The following PCDH11X variants were observed in gnomAD, a reference collection of about 807,000 sequenced individuals.
The protein encoded by PCDH11X is protocadherin-11 X-linked.
A neutral mutation model predicts 53.3 loss-of-function variants in PCDH11X; 18 were observed. That is an observed-to-expected ratio of 0.34 (90% CI 0.23 to 0.50). The LOEUF is 0.50. Among genes scored for constraint, PCDH11X ranks in the 20% least tolerant of loss-of-function variants. The probability of loss-of-function intolerance (pLI) is 0.98; values close to 1 mark genes in which losing one functional copy is unlikely to be tolerated. For synonymous variants in PCDH11X, 279 were observed against 393.3 expected (o/e 0.71, Z 3.44); for missense variants, 570 against 1,032.4 (o/e 0.55, Z 6.14).
chrX:92,026,032 A>C (rs1294723875), intron 6 of PCDH11X, among the ~76,000 whole-genome samples: 1 of 110,697 alleles, frequency 9.0e-6, no homozygotes, highest in East Asian at 2.9e-4. Flanking sequence ...AACAAGAGAC[A>C]CTGGGGCCTA....
intron 8 of PCDH11X, among the ~76,000 whole-genome samples, chrX:92,271,541 T>C (rs942153748): frequency 2.7e-5 from 3 of 112,210 alleles, no homozygotes; most frequent in African/African-American, 9.7e-5. Flanking sequence ...CATTAGTTAC[T>C]TGGGGCATGC....
chrX:92,526,424 T>A (rs1448539595), intron 10 of PCDH11X, among the ~76,000 whole-genome samples: 1 of 104,914 alleles, frequency 9.5e-6, no homozygotes, highest in Admixed American at 1.1e-4. Flanking sequence ...GGAGCTCAAA[T>A]AACTCAATAG....
At chrX:92,165,984 G>A (rs1237967171) in intron 6 of PCDH11X, among the ~76,000 whole-genome samples, 4 of 111,182 alleles carry the variant, frequency 3.6e-5, no homozygotes, top group Admixed American at 9.7e-5. Flanking sequence ...AACTCTAGCC[G>A]AAGGGTATTT....
chrX:92,042,417 A>T (rs1395535700), intron 6 of PCDH11X, among the ~76,000 whole-genome samples: 1 of 101,097 alleles, frequency 9.9e-6, no homozygotes, highest in Non-Finnish European at 1.9e-5. Context: ...TATGGCTCAG[A>T]TTAAGACACA....
chrX:92,423,840 T>G (rs2072033869), intron 9 of PCDH11X, among the ~76,000 whole-genome samples: 1 of 97,396 alleles, frequency 1.0e-5, no homozygotes, highest in Admixed American at 1.1e-4. Context: ...TTCTGTTCCA[T>G]TTGTCTATGT....
At chrX:92,557,650 T>C (rs1279301539) in intron 10 of PCDH11X, among the ~76,000 whole-genome samples, 2 of 108,963 alleles carry the variant, frequency 1.8e-5, no homozygotes, top group Non-Finnish European at 3.8e-5. Flanking sequence ...CAAGCCTCTA[T>C]GAAGGTCCAA....
At chrX:91,886,907 C>G (rs1227484291) in intron 6 of PCDH11X, among the ~76,000 whole-genome samples, 3 of 101,218 alleles carry the variant, frequency 3.0e-5, no homozygotes, top group Non-Finnish European at 3.9e-5. Flanking sequence ...GGAGGCGGAG[C>G]TTGCAGTGAG....
intron 10 of PCDH11X, among the ~76,000 whole-genome samples, chrX:92,528,075 A>G (rs1362572464): frequency 1.8e-5 from 2 of 111,702 alleles, no homozygotes; most frequent in East Asian, 2.8e-4. Context: ...ACAGAATGAG[A>G]TTGATAACTG....
chrX:92,309,421 T>C (rs1216025599), intron 8 of PCDH11X, among the ~76,000 whole-genome samples: 1 of 111,744 alleles, frequency 8.9e-6, no homozygotes, highest in Non-Finnish European at 1.9e-5. Flanking sequence ...GATTCCACGT[T>C]GTCCACCTAA....
At chrX:91,959,512 C>G (rs1272104710) in intron 6 of PCDH11X, among the ~76,000 whole-genome samples, 12 of 108,889 alleles carry the variant, frequency 1.1e-4, no homozygotes, top group Non-Finnish European at 2.3e-4. Flanking sequence ...ATTATATTTT[C>G]TTTTTAGATT....
chrX:92,205,538 G>A (rs913478039), intron 7 of PCDH11X, among the ~76,000 whole-genome samples: 1 of 109,578 alleles, frequency 9.1e-6, no homozygotes, highest in Admixed American at 9.8e-5. Context: ...GAAGTCAGAT[G>A]GAATTAGACA....
At chrX:92,503,563 T>C (rs2073998980) in intron 10 of PCDH11X, among the ~76,000 whole-genome samples, 1 of 93,437 alleles carries the variant, frequency 1.1e-5, no homozygotes, top group Non-Finnish European at 2.1e-5. Flanking sequence ...GAACAGGATC[T>C]TGTGCTTTGC....
chrX:91,997,154 T>C (rs2062434125), intron 6 of PCDH11X, among the ~76,000 whole-genome samples: 1 of 111,822 alleles, frequency 8.9e-6, no homozygotes, highest in Non-Finnish European at 1.9e-5. Context: ...CACAAGGTCA[T>C]GTCACCTGCA....
At chrX:92,289,970 A>G (rs1485018439) in intron 8 of PCDH11X, among the ~76,000 whole-genome samples, 2 of 111,638 alleles carry the variant, frequency 1.8e-5, no homozygotes, top group African/African-American at 3.3e-5. Context: ...GGAATCTGAA[A>G]CATATTAGTT....
rs2148825355 is a variant in PCDH11X at position 92,622,061 on chromosome X, A to C, written c.*3121A>C. ...AACTAATATTGTGTCAGTGTATTAA[A>C]AATTAGCTTTTACATATGATATCTA... On this transcript the variant is annotated 3_prime_UTR_variant, in exon 11 of 11. Coordinates refer to ENST00000682573, the MANE Select transcript of PCDH11X (RefSeq NM_032968.5). The C allele has an allele frequency of 9.9e-6, 1 of 100,581 alleles. No individual in the cohort carries two copies. Among genetic ancestry groups the C allele is most frequent in the East Asian group, 3.1e-4 (1 of 3,273 alleles). The allele number at this position is 100,581 out of a possible 1,213,427, so 8.3% of individuals were successfully genotyped here.
intron 6 of PCDH11X, among the ~76,000 whole-genome samples, chrX:92,037,917 C>G (rs1436987549): frequency 5.1e-5 from 3 of 58,392 alleles, no homozygotes; most frequent in African/African-American, 1.9e-4. Context: ...TTTTTTTTTT[C>G]GTAACTGTGT....
chrX:92,076,741 T>C (rs2063779003), intron 6 of PCDH11X, among the ~76,000 whole-genome samples: 1 of 112,281 alleles, frequency 8.9e-6, no homozygotes, highest in African/African-American at 3.2e-5. Flanking sequence ...CACAATATTC[T>C]GAGTTGAATA....
At chrX:92,567,243 T>C (rs192085574) in intron 10 of PCDH11X, among the ~76,000 whole-genome samples, 2 of 103,793 alleles carry the variant, frequency 1.9e-5, no homozygotes, top group African/African-American at 7.0e-5. Flanking sequence ...ACAATATTGA[T>C]ACTTCCTATC....
At chrX:92,580,782 C>A (rs956333496) in intron 10 of PCDH11X, among the ~76,000 whole-genome samples, 1 of 111,723 alleles carries the variant, frequency 9.0e-6, no homozygotes, top group Non-Finnish European at 1.9e-5. Context: ...TCCTGATCAG[C>A]GGGTTGCATA....
Sources: gnomAD v4.1 joint callset for allele counts (sites outside exome capture counted in the v4.1 genomes callset) on GRCh38, gnomAD v4.1.1 for gene constraint, MANE v1.5 for transcripts, NCBI Gene and HGNC (gene_info 2026-07-23, HGNC 2026-07-21) for gene names.